The following ATRNL1 variants were observed in gnomAD, a reference collection of about 807,000 sequenced individuals.
The protein encoded by ATRNL1 is attractin-like protein 1.
Under a neutral mutation model 182.7 loss-of-function variants are expected in ATRNL1, and 95 were observed. The ratio of observed to expected loss-of-function variants is 0.52; its 90% confidence interval spans 0.44 to 0.62. ATRNL1 has a LOEUF of 0.62. Ranked by LOEUF, ATRNL1 falls within the 20% of genes least tolerant of loss-of-function variation. The probability of loss-of-function intolerance (pLI) is 0.00; values close to 1 mark genes in which losing one functional copy is unlikely to be tolerated. For synonymous variants in ATRNL1, 576 were observed against 568.3 expected (o/e 1.01, Z -0.19); for missense variants, 1,471 against 1,679.5 (o/e 0.88, Z 2.17).
intron 26 of ATRNL1, among the ~76,000 whole-genome samples, chr10:115,612,417 C>G (rs1555019298): frequency 6.6e-6 from 1 of 152,176 alleles, no homozygotes; most frequent in Non-Finnish European, 1.5e-5. Context: ...TCTAAAGATA[C>G]TCATTCTATT....
At chr10:115,344,056 G>A (rs1855868916) in intron 19 of ATRNL1, among the ~76,000 whole-genome samples, 2 of 152,186 alleles carry the variant, frequency 1.3e-5, no homozygotes, top group Non-Finnish European at 2.9e-5. Context: ...GCCATCACCA[G>A]TATGACTGTG....
chr10:115,812,259 C>A (rs782389462), intron 27 of ATRNL1, among the ~76,000 whole-genome samples: 4 of 152,110 alleles, frequency 2.6e-5, no homozygotes, highest in Non-Finnish European at 4.4e-5. Flanking sequence ...TCTATTTAGA[C>A]CATTTGCATT....
rs533681985 is a variant in ATRNL1 at position 115,096,746 on chromosome 10, G to A, written c.293+2703G>A. On this transcript the variant is annotated intron_variant, in intron 1 of 28. Coordinates refer to ENST00000355044, the MANE Select transcript of ATRNL1 (RefSeq NM_207303.4). ...AGAAGCAAATATAGTATCAAAAGTG[G>A]TACTTCAGTTCTCTTAGCATTGATT... 23 of 1,280,808 alleles carry A rather than the reference G, an allele frequency of 1.8e-5. No homozygotes were observed. The African/African-American group carries it at 3.4e-4, about 19-fold the overall frequency. The allele number at this position is 1,280,808 out of a possible 1,614,324, so 79.3% of individuals were successfully genotyped here. A position where few individuals can be genotyped will look rare whatever the true frequency, so the allele number is the denominator to read the frequency against.
chr10:115,867,420 T>C (rs377339954), intron 28 of ATRNL1, among the ~76,000 whole-genome samples: 110 of 152,282 alleles, frequency 7.2e-4, no homozygotes, highest in African/African-American at 2.5e-3. Flanking sequence ...TTATACCATC[T>C]TTAATAGAAA....
At chr10:115,750,603 A>G (rs1208782176) in intron 27 of ATRNL1, among the ~76,000 whole-genome samples, 2 of 151,944 alleles carry the variant, frequency 1.3e-5, no homozygotes, top group Non-Finnish European at 2.9e-5. Context: ...GAAAAGGCTA[A>G]TAAAGGTGAC....
At chr10:115,807,700 A>G (rs1245556858) in intron 27 of ATRNL1, among the ~76,000 whole-genome samples, 4 of 152,326 alleles carry the variant, frequency 2.6e-5, no homozygotes, top group South Asian at 4.1e-4. Context: ...TGCCACTGAA[A>G]TAAAGATATA....
At chr10:115,667,368 C>T (rs566992834) in intron 26 of ATRNL1, among the ~76,000 whole-genome samples, 9 of 152,250 alleles carry the variant, frequency 5.9e-5, no homozygotes, top group African/African-American at 2.2e-4. Context: ...GATGGGTTTT[C>T]TGCGTTAATA....
chr10:115,337,960 CAT>C (rs1312126774), intron 19 of ATRNL1, among the ~76,000 whole-genome samples: 3 of 152,242 alleles, frequency 2.0e-5, no homozygotes, highest in Admixed American at 1.3e-4. Flanking sequence ...AGATTCCTCA[CAT>C]GTGTAGTTCA....
At chr10:115,768,889 T>C (rs1948921278) in intron 27 of ATRNL1, among the ~76,000 whole-genome samples, 1 of 152,056 alleles carries the variant, frequency 6.6e-6, no homozygotes, top group Non-Finnish European at 1.5e-5. Flanking sequence ...CTATATAAAT[T>C]ATTTTTATTA....
chr10:115,139,920 A>C (rs1240446667), intron 5 of ATRNL1, among the ~76,000 whole-genome samples: 4 of 152,218 alleles, frequency 2.6e-5, no homozygotes, highest in Non-Finnish European at 5.9e-5. Flanking sequence ...CACAAGAGAA[A>C]TGAGAAGACT....
intron 5 of ATRNL1, among the ~76,000 whole-genome samples, chr10:115,139,204 A>G (rs116329134): frequency 0.022 from 3,286 of 152,226 alleles, 109 homozygotes; most frequent in African/African-American, 0.073. Context: ...GGGAGTCCAC[A>G]CTTTCCCACA....
chr10:115,238,973 A>G (rs1554902157), intron 9 of ATRNL1, among the ~76,000 whole-genome samples: 1 of 152,136 alleles, frequency 6.6e-6, no homozygotes, highest in Non-Finnish European at 1.5e-5. Context: ...TTCTCCATCT[A>G]TTGATATGAT....
chr10:115,891,096 TC>T (rs1366416075), intron 28 of ATRNL1, among the ~76,000 whole-genome samples: 4 of 149,286 alleles, frequency 2.7e-5, no homozygotes, highest in Non-Finnish European at 5.9e-5. Flanking sequence ...TGTTCTATCT[TC>T]CCCAGGTTAA....
chr10:115,527,445 C>T (rs546876683), intron 25 of ATRNL1, among the ~76,000 whole-genome samples: 2 of 152,170 alleles, frequency 1.3e-5, no homozygotes, highest in Non-Finnish European at 2.9e-5. Flanking sequence ...TAGTGGTTGG[C>T]ACAATGGAGT....
rs1173552934 is a variant in ATRNL1 at position 115,414,362 on chromosome 10, CCTCTT to C, written c.3270-11880_3270-11876del. On this transcript the variant is annotated intron_variant, in intron 20 of 28. Transcript: ENST00000355044. ...CCTTTCTTCTTTCATTCCTTTTTTC[CCTCTT>C]CTCTTCTTCCCCTTACCTCTCCTCC... Among the ~76,000 whole-genome samples the C allele has an allele frequency of 6.0e-5, 9 of 151,218 alleles. No homozygotes were observed. In the East Asian group the frequency reaches 1.6e-3, roughly 26 times the overall value.
At position 115,532,660 on chromosome 10, in the gene ATRNL1, A is replaced by G. The variant is rs563581885; in HGVS notation, c.3716+13336A>G. Among the ~76,000 whole-genome samples the G allele has an allele frequency of 2.0e-4, 30 of 150,280 alleles. No homozygotes were observed. In the East Asian group the frequency reaches 4.5e-3, roughly 23 times the overall value. ...TGCCCTGGCCAGAACTTCCAACACT[A>G]TGTTGAATAGGAGTGGTGAGAGAGG... On this transcript the variant is annotated intron_variant, in intron 25 of 28. Transcript: ENST00000355044.
chr10:115,216,276 T>G (rs1317115639), intron 9 of ATRNL1, among the ~76,000 whole-genome samples: 1 of 152,194 alleles, frequency 6.6e-6, no homozygotes, highest in East Asian at 1.9e-4. Context: ...TACTTAAAAG[T>G]GAGATTTTTG....
intron 25 of ATRNL1, among the ~76,000 whole-genome samples, chr10:115,523,743 C>G (rs1851072917): frequency 6.6e-6 from 1 of 152,186 alleles, no homozygotes; most frequent in African/African-American, 2.4e-5. Context: ...ATTTTGGTCA[C>G]AGCCACTTAA....
At chr10:115,376,000 A>G (rs560953555) in intron 19 of ATRNL1, among the ~76,000 whole-genome samples, 4 of 152,158 alleles carry the variant, frequency 2.6e-5, no homozygotes, top group African/African-American at 9.6e-5. Context: ...TTCCTTTAGT[A>G]TTTATTGTAA....
Sources: allele counts gnomAD v4.1 joint callset (sites outside exome capture counted in the v4.1 genomes callset), GRCh38; gene constraint gnomAD v4.1.1; transcripts MANE v1.5; gene names NCBI Gene and HGNC (gene_info 2026-07-23, HGNC 2026-07-21).